PCAT7: variants seen among roughly 807,000 people sequenced by gnomAD.
PCAT7 encodes the protein prostate cancer associated transcript 7 (non-protein coding).
chr9:94,565,476 G>A (rs112372776), intron 2 of PCAT7, among the ~76,000 whole-genome samples: 10,853 of 151,426 alleles, frequency 0.072, 471 homozygotes, highest in South Asian at 0.16. Context: ...TTTATGTGAT[G>A]TGTTACACAG....
intron 2 of PCAT7, chr9:94,559,224 G>A (rs927543316): frequency 3.4e-5 from 40 of 1,168,032 alleles, no homozygotes; most frequent in Middle Eastern, 2.9e-4. Context: ...TTTGTACTGC[G>A]GTGCTTCCAT....
At chr9:94,562,633 A>C (rs1230959051) in intron 2 of PCAT7, among the ~76,000 whole-genome samples, 1 of 152,188 alleles carries the variant, frequency 6.6e-6, no homozygotes, top group Non-Finnish European at 1.5e-5. Context: ...TGTCAGAGAA[A>C]ACAGAGGCCT....
intron 2 of PCAT7, chr9:94,567,622 G>A: frequency 3.9e-6 from 2 of 518,094 alleles, no homozygotes; most frequent in Non-Finnish European, 3.4e-6. Flanking sequence ...CAGTAACACA[G>A]CAAGCAGGAA....
rs192814089 is a variant in PCAT7, at chr9:94,561,592, T to C, written n.441+2440T>C. Reference sequence around the variant, plus strand: ...GTGTTAGCCAGGATGGTCTCGATCTTCTGACCTCGTGATCCACCCGCCTTG... The same window carrying C: ...GTGTTAGCCAGGATGGTCTCGATCTCCTGACCTCGTGATCCACCCGCCTTG... On this transcript the variant is annotated intron_variant and non_coding_transcript_variant, in intron 2 of 8. Transcript: ENST00000647389. Among the ~76,000 whole-genome samples the C allele has an allele frequency of 1.0e-3, 156 of 152,090 alleles. 2 individuals are homozygous for C. The highest frequency in any genetic ancestry group is 1.4e-3 in the East Asian group (7 of 5,142).
intron 2 of PCAT7, among the ~76,000 whole-genome samples, chr9:94,564,399 T>C (rs939823757): frequency 3.3e-5 from 5 of 152,196 alleles, no homozygotes; most frequent in South Asian, 4.1e-4. Context: ...AGCAAAGATA[T>C]GGAATCAACC....
intron 2 of PCAT7, among the ~76,000 whole-genome samples, chr9:94,562,918 A>G (rs1192354201): frequency 6.6e-6 from 1 of 152,174 alleles, no homozygotes; most frequent in African/African-American, 2.4e-5. Context: ...AACTCCCTCA[A>G]CGTGTAATTT....
At chr9:94,570,456 C>T (rs749324897) in intron 2 of PCAT7, 1 of 152,218 alleles carries the variant, frequency 6.6e-6, no homozygotes, top group Non-Finnish European at 1.5e-5. Context: ...GCCACTGTGA[C>T]ATTTAAATGC....
chr9:94,573,066 C>T (rs1349495883), intron 3 of PCAT7: 1 of 152,196 alleles, frequency 6.6e-6, no homozygotes, highest in Non-Finnish European at 1.5e-5. Flanking sequence ...GTTTCATCAT[C>T]TTCCTTGCCT....
rs1174386595 is a variant in PCAT7 at position 94,561,352 on chromosome 9, A to ATTTTTTTT, written n.441+2221_441+2228dup. Among the ~76,000 whole-genome samples the ATTTTTTTT allele has an allele frequency of 2.9e-3, 157 of 54,990 alleles. 40 individuals carry two copies. The highest frequency in any genetic ancestry group is 3.5e-3 in the Admixed American group (11 of 3,178). The allele number at this position is 54,990 out of a possible 152,430, so 36.1% of individuals were successfully genotyped here. A position where few individuals can be genotyped will look rare whatever the true frequency, so the allele number is the denominator to read the frequency against. ...GCAGGCCATGTGACATGTGACCTGT[A>ATTTTTTTT]TTTTTTTTTTTTTTTTTTTTTTTTT... On this transcript the variant is annotated intron_variant and non_coding_transcript_variant, in intron 2 of 8. Transcript: ENST00000647389.
At chr9:94,567,459 C>G in intron 2 of PCAT7, 1 of 1,578,688 alleles carries the variant, frequency 6.3e-7, no homozygotes, top group Admixed American at 1.7e-5. Flanking sequence ...AGGAAACAAG[C>G]CAACCGCACA....
chr9:94,563,879 CA>C (rs1359726753), intron 2 of PCAT7, among the ~76,000 whole-genome samples: 2 of 151,964 alleles, frequency 1.3e-5, no homozygotes, highest in Admixed American at 1.3e-4. Flanking sequence ...CAATAAAGTT[CA>C]AAAAAGACGA....
intron 1 of PCAT7, chr9:94,558,621 T>C (rs1471820605): frequency 2.9e-6 from 1 of 339,284 alleles, no homozygotes. Flanking sequence ...CTATGTACTC[T>C]TTGCCCACAA....
chr9:94,564,023 C>A (rs1329797488), intron 2 of PCAT7, among the ~76,000 whole-genome samples: 2 of 152,106 alleles, frequency 1.3e-5, no homozygotes, highest in Admixed American at 6.5e-5. Flanking sequence ...GACTTAGACA[C>A]CCCCCCACAA....
intron 2 of PCAT7, chr9:94,567,192 G>T: frequency 6.8e-7 from 1 of 1,477,564 alleles, no homozygotes; most frequent in Non-Finnish European, 9.4e-7. Context: ...TTTCAGCAAA[G>T]CCCCTGAAGC....
At chr9:94,567,446 G>C (rs774658019) in intron 2 of PCAT7, 7 of 1,572,088 alleles carry the variant, frequency 4.5e-6, no homozygotes, top group Admixed American at 1.7e-5. Flanking sequence ...GAAGAGAGAA[G>C]CCAGGAAACA....
intron 2 of PCAT7, chr9:94,571,562 C>T (rs1271032106): frequency 1.2e-6 from 2 of 1,613,900 alleles, no homozygotes; most frequent in Admixed American, 3.3e-5. Context: ...ATTGCGGCCA[C>T]ACTGCAGGGC....
At chr9:94,563,451 G>A (rs750547827) in intron 2 of PCAT7, 13 of 1,613,468 alleles carry the variant, frequency 8.1e-6, no homozygotes, top group Middle Eastern at 1.6e-4. Flanking sequence ...CCCATAGGGA[G>A]CACTGCCATC....
At chr9:94,555,140 T>G (rs10993243) in exon 1 of PCAT7, 81,922 of 152,046 alleles carry the variant, frequency 0.54, 22,222 homozygotes, top group Admixed American at 0.64. Context: ...TTTTTTTGTT[T>G]TTGTTTTTTT....
chr9:94,561,352 A>ACTTT lies in PCAT7; in HGVS notation n.441+2200_441+2201insCTTT, dbSNP rs1827097696. ...GCAGGCCATGTGACATGTGACCTGT[A>ACTTT]TTTTTTTTTTTTTTTTTTTTTTTTT... On this transcript the variant is annotated intron_variant and non_coding_transcript_variant, in intron 2 of 8. Transcript: ENST00000647389. Among the ~76,000 whole-genome samples, 340 of 55,014 alleles carry ACTTT rather than the reference A, an allele frequency of 6.2e-3. 7 individuals are homozygous for ACTTT. The highest frequency in any genetic ancestry group is 0.025 in the African/African-American group (317 of 12,828). The allele number at this position is 55,014 out of a possible 152,430, so 36.1% of individuals were successfully genotyped here. A position where few individuals can be genotyped will look rare whatever the true frequency, so the allele number is the denominator to read the frequency against.
Sources: gnomAD v4.1 joint callset for allele counts (sites outside exome capture counted in the v4.1 genomes callset) on GRCh38, gnomAD v4.1.1 for gene constraint, MANE v1.5 for transcripts, NCBI Gene and HGNC (gene_info 2026-07-23, HGNC 2026-07-21) for gene names.